Variants in LGSN observed in about 807,000 individuals in gnomAD.
The protein encoded by LGSN is lengsin.
Under a neutral mutation model 19.5 loss-of-function variants are expected in LGSN, and 21 were observed. The observed-to-expected ratio is 1.07, with a 90% CI of 0.76 to 1.55. The LOEUF is 1.55. Among genes scored for constraint, LGSN ranks in the 40% most tolerant of loss-of-function variants. LGSN has a pLI of 0.00. For synonymous variants in LGSN, 257 were observed against 215.6 expected (o/e 1.19, Z -1.68); for missense variants, 673 against 608.5 (o/e 1.11, Z -1.12).
the LGSN span, among the ~76,000 whole-genome samples, chr6:63,332,637 G>A: frequency 7.7e-4 from 118 of 152,276 alleles, no homozygotes; most frequent in South Asian, 2.7e-3. Context: ...TCCAGCGGCC[G>A]CGCTAGTCGC....
chr6:63,434,579 T>C, the LGSN span, among the ~76,000 whole-genome samples: 2 of 130,752 alleles, frequency 1.5e-5, no homozygotes, highest in East Asian at 2.1e-4. Flanking sequence ...GCCAACATGG[T>C]GAAACCCTGT....
chr6:63,376,731 G>A, the LGSN span, among the ~76,000 whole-genome samples: 1 of 152,192 alleles, frequency 6.6e-6, no homozygotes, highest in Non-Finnish European at 1.5e-5. Flanking sequence ...ATAGGAAATT[G>A]TATTTTATTT....
the LGSN span, among the ~76,000 whole-genome samples, chr6:63,434,604 C>CAAAAAAAAAAAAAA: frequency 1.1e-4 from 7 of 62,884 alleles, no homozygotes; most frequent in African/African-American, 2.2e-4. Flanking sequence ...ACTAAAAATT[C>CAAAAAAAAAAAAAA]AAAAAAAAAA....
At chr6:63,289,287 A>G (rs1440393406) in intron 2 of LGSN, among the ~76,000 whole-genome samples, 3 of 152,220 alleles carry the variant, frequency 2.0e-5, no homozygotes, top group African/African-American at 7.2e-5. Context: ...TTTTCATTTA[A>G]AAGTTCAATT....
chr6:63,357,262 T>A, the LGSN span, among the ~76,000 whole-genome samples: 4 of 152,252 alleles, frequency 2.6e-5, no homozygotes, highest in African/African-American at 9.6e-5. Context: ...TTCCAAGACT[T>A]TGCTATTGTG....
the LGSN span, among the ~76,000 whole-genome samples, chr6:63,436,241 T>C: frequency 6.6e-6 from 1 of 152,198 alleles, no homozygotes; most frequent in African/African-American, 2.4e-5. Flanking sequence ...TCTACTAAAC[T>C]GTAAACTTTA....
intron 1 of LGSN, among the ~76,000 whole-genome samples, chr6:63,308,725 G>A (rs761652221): frequency 6.6e-6 from 1 of 151,992 alleles, no homozygotes; most frequent in Non-Finnish European, 1.5e-5. Flanking sequence ...GCATGAAAAC[G>A]CAAACAAGCA....
intron 1 of LGSN, among the ~76,000 whole-genome samples, chr6:63,314,144 A>G (rs1768749630): frequency 6.6e-6 from 1 of 152,056 alleles, no homozygotes; most frequent in Admixed American, 6.6e-5. Context: ...CATACAGTAA[A>G]CCCTAACACC....
chr6:63,281,330 T>TATATATATATATATATATATATAA (rs1360072081), intron 3 of LGSN, 110 bp from the exon 4 acceptor site: 11 of 149,500 alleles, frequency 7.4e-5, no homozygotes, highest in African/African-American at 2.7e-4. Context: ...TATATATATA[T>TATATATATATATATATATATATAA]AATAAATATA....
chr6:63,279,906 A>G lies in LGSN; in HGVS notation c.*115T>C, dbSNP rs991364950. The G allele has an allele frequency of 2.9e-6, 3 of 1,017,160 alleles. No homozygotes were observed. The highest frequency in any genetic ancestry group is 1.6e-5 in the African/African-American group (1 of 61,804). The allele number at this position is 1,017,160 out of a possible 1,614,324, so 63.0% of individuals were successfully genotyped here. On this transcript the variant is annotated 3_prime_UTR_variant, in exon 4 of 4. Transcript: ENST00000370657. ...ATGGACAAAAAAAAAAGTCAAAAGC[A>G]TTCGTAATCTTGTTATTGTTGCTGT...
chr6:63,511,246 CTTTTTTTTTTT>C, the LGSN span, among the ~76,000 whole-genome samples: 1 of 131,382 alleles, frequency 7.6e-6, no homozygotes, highest in Non-Finnish European at 1.7e-5. Flanking sequence ...AAATAGATTT[CTTTTTTTTTTT>C]TTTTTTTTTT....
chr6:63,311,763 T>C (rs1284148217), intron 1 of LGSN, among the ~76,000 whole-genome samples: 2 of 152,186 alleles, frequency 1.3e-5, no homozygotes, highest in African/African-American at 4.8e-5. Context: ...AATACACATT[T>C]TCCATGAACT....
At chr6:63,505,744 C>T in the LGSN span, among the ~76,000 whole-genome samples, 1 of 152,176 alleles carries the variant, frequency 6.6e-6, no homozygotes, top group Non-Finnish European at 1.5e-5. Flanking sequence ...ACTGCAACCT[C>T]TTCCTTCCGA....
At chr6:63,441,850 T>G in the LGSN span, 1 of 296,106 alleles carries the variant, frequency 3.4e-6, no homozygotes, top group Non-Finnish European at 6.5e-6. Context: ...CGCTGGTTGC[T>G]TGTCAGGTGA....
At chr6:63,388,040 G>GTA in the LGSN span, among the ~76,000 whole-genome samples, 10 of 129,422 alleles carry the variant, frequency 7.7e-5, no homozygotes, top group African/African-American at 1.7e-4. Flanking sequence ...TAATTTTTTT[G>GTA]TTTTTTTTTT....
the LGSN span, among the ~76,000 whole-genome samples, chr6:63,471,344 T>C: frequency 6.6e-6 from 1 of 151,974 alleles, no homozygotes; most frequent in South Asian, 2.1e-4. Flanking sequence ...TTAGGAACTG[T>C]TGAAGATTAC....
chr6:63,313,966 T>C (rs757808197), intron 1 of LGSN, among the ~76,000 whole-genome samples: 2 of 146,250 alleles, frequency 1.4e-5, no homozygotes, highest in Non-Finnish European at 3.0e-5. Context: ...TAGGAGAGAG[T>C]AGAAAAAAAA....
chr6:63,430,092 G>A, the LGSN span, among the ~76,000 whole-genome samples: 72,039 of 152,002 alleles, frequency 0.47, 18,347 homozygotes, highest in Non-Finnish European at 0.54. Flanking sequence ...TTCTGGTCAG[G>A]TCAAACAAGA....
intron 2 of LGSN, among the ~76,000 whole-genome samples, chr6:63,289,082 G>A (rs938172175): frequency 2.6e-5 from 4 of 152,160 alleles, no homozygotes; most frequent in African/African-American, 9.7e-5. Context: ...AGCTCCTTGA[G>A]CGCCAAGGCT....
Sources: gnomAD v4.1 joint callset for allele counts (sites outside exome capture counted in the v4.1 genomes callset) on GRCh38, gnomAD v4.1.1 for gene constraint, MANE v1.5 for transcripts, NCBI Gene and HGNC (gene_info 2026-07-23, HGNC 2026-07-21) for gene names.